IL1R1: variants seen among roughly 807,000 people sequenced by gnomAD.
The protein encoded by IL1R1 is interleukin-1 receptor type 1.
IL1R1 carries 22 observed loss-of-function variants against 50.2 expected under a neutral mutation model. That is an observed-to-expected ratio of 0.44 (90% confidence interval 0.31 to 0.63). The LOEUF is 0.63. Among genes scored for constraint, IL1R1 ranks in the 20% least tolerant of loss-of-function variants. The probability of loss-of-function intolerance (pLI) is 0.07; values close to 1 mark genes in which losing one functional copy is unlikely to be tolerated. For missense variants in IL1R1, 509 were observed against 676.2 expected, an observed-to-expected ratio of 0.75 and a Z score of 2.74; for synonymous variants, 251 against 236.7, an observed-to-expected ratio of 1.06 and a Z score of -0.55.
At chr2:102,121,265 C>T (rs1209854187) in intron 1 of IL1R1, among the ~76,000 whole-genome samples, 1 of 152,206 alleles carries the variant, frequency 6.6e-6, no homozygotes, top group East Asian at 1.9e-4. Context: ...CCCCTGGTTT[C>T]TCTCCAGGCA....
chr2:102,074,399 C>T (rs960944191), intron 1 of IL1R1, among the ~76,000 whole-genome samples: 12 of 152,210 alleles, frequency 7.9e-5, no homozygotes, highest in African/African-American at 2.7e-4. Context: ...ATGACTGGGC[C>T]TATCTGCCCA....
At chr2:102,111,063 A>T (rs112657383) in intron 1 of IL1R1, among the ~76,000 whole-genome samples, 1 of 151,652 alleles carries the variant, frequency 6.6e-6, no homozygotes, top group Admixed American at 6.6e-5. Context: ...TGTATGGCCA[A>T]TGAAGAGAGT....
chr2:102,167,442 G>GTTTTTTTTTTTTTTTTTTTTTTTTT (rs3047461), intron 6 of IL1R1, among the ~76,000 whole-genome samples: 2 of 68,916 alleles, frequency 2.9e-5, no homozygotes, highest in African/African-American at 6.3e-5. Context: ...TAGGTTAAGT[G>GTTTTTTTTTTTTTTTTTTTTTTTTT]TTTTTTTTTT....
chr2:102,124,324 G>T, intron 1 of IL1R1, among the ~76,000 whole-genome samples: 1 of 152,050 alleles, frequency 6.6e-6, no homozygotes, highest in East Asian at 1.9e-4. Flanking sequence ...GGAGGCTGAG[G>T]CAGGAGAATC....
chr2:102,094,205 A>G (rs1334910859), intron 1 of IL1R1, among the ~76,000 whole-genome samples: 1 of 152,256 alleles, frequency 6.6e-6, no homozygotes, highest in East Asian at 1.9e-4. Context: ...TCTTCTAAAG[A>G]AAGAATAAAA....
At chr2:102,106,032 AG>A (rs1302213030) in intron 1 of IL1R1, among the ~76,000 whole-genome samples, 1 of 152,262 alleles carries the variant, frequency 6.6e-6, no homozygotes, top group African/African-American at 2.4e-5. Flanking sequence ...CAAAACAAAA[AG>A]GAAAACCTAA....
In IL1R1 at chr2:102,166,129, T is replaced by G. The variant is rs748184446; in HGVS notation, c.503T>G (p.Leu168Arg). The change falls in exon 6 of 12, where the codon CTT becomes CGT. Residue 168 changes from leucine to arginine, a missense_variant. Coordinates refer to ENST00000410023, the MANE Select transcript of IL1R1 (RefSeq NM_000877.4). The stretch of plus-strand genomic sequence containing the variant: ...TTTATCTAGGATTGCAAACCTCTAC[T>G]TCTTGACAATATACACTTTAGTGGA... ...LQWYKDCKPL[L>R]LDNIHFSGVK... is the part of the protein sequence containing the mutation. 1 of 1,613,454 alleles carries G rather than the reference T, an allele frequency of 6.2e-7. No individual in the cohort carries two copies. Among genetic ancestry groups the G allele is most frequent in the Admixed American group, 1.7e-5 (1 of 60,004 alleles).
chr2:102,121,653 A>T (rs553812560), intron 1 of IL1R1, among the ~76,000 whole-genome samples: 1 of 152,286 alleles, frequency 6.6e-6, no homozygotes, highest in East Asian at 1.9e-4. Flanking sequence ...GACTCTTGAG[A>T]TGTCAAGCCC....
At chr2:102,097,422 T>C (rs566392467) in intron 1 of IL1R1, among the ~76,000 whole-genome samples, 9 of 152,206 alleles carry the variant, frequency 5.9e-5, no homozygotes, top group Non-Finnish European at 1.2e-4. Flanking sequence ...CTGTTCCTGG[T>C]CTATTTGTAT....
chr2:102,083,096 C>T (rs1411197036), intron 1 of IL1R1, among the ~76,000 whole-genome samples: 5 of 152,124 alleles, frequency 3.3e-5, no homozygotes, highest in East Asian at 1.9e-4. Flanking sequence ...CCTGATGCTC[C>T]GCATGAAGGG....
intron 1 of IL1R1, among the ~76,000 whole-genome samples, chr2:102,079,460 A>C (rs1410165072): frequency 6.6e-6 from 1 of 152,150 alleles, no homozygotes; most frequent in Non-Finnish European, 1.5e-5. Flanking sequence ...TAGCAATGAA[A>C]AATTTGAAAA....
chr2:102,083,700 C>T (rs1280174237), intron 1 of IL1R1, among the ~76,000 whole-genome samples: 2 of 152,158 alleles, frequency 1.3e-5, no homozygotes, highest in African/African-American at 2.4e-5. Flanking sequence ...AATCCCAGCA[C>T]TTTGGGACGC....
At chr2:102,085,499 G>A (rs982356784) in intron 1 of IL1R1, among the ~76,000 whole-genome samples, 1 of 152,052 alleles carries the variant, frequency 6.6e-6, no homozygotes, top group African/African-American at 2.4e-5. Context: ...CAGTTCAGTG[G>A]CGTGTTGGGC....
At chr2:102,099,955 A>C (rs1680069141), upstream of IL1R1, among the ~76,000 whole-genome samples, 1 of 152,088 alleles carries the variant, frequency 6.6e-6, no homozygotes, top group South Asian at 2.1e-4. Flanking sequence ...TTCACAGTTC[A>C]TTTTAACTCC....
At chr2:102,071,968 T>C (rs1678739915) in intron 1 of IL1R1, among the ~76,000 whole-genome samples, 1 of 152,124 alleles carries the variant, frequency 6.6e-6, no homozygotes, top group African/African-American at 2.4e-5. Context: ...GTAAAATCAT[T>C]GTACTTGGCC....
intron 1 of IL1R1, among the ~76,000 whole-genome samples, chr2:102,106,208 G>C (rs1192753643): frequency 6.6e-6 from 1 of 152,116 alleles, no homozygotes. Context: ...TCACCCATGA[G>C]ACAGCTGGAG....
intron 1 of IL1R1, among the ~76,000 whole-genome samples, chr2:102,149,733 C>T (rs1335931140): frequency 6.6e-6 from 1 of 152,100 alleles, no homozygotes; most frequent in Non-Finnish European, 1.5e-5. Flanking sequence ...CACAGGTGGA[C>T]TTCGACACCT....
At chr2:102,120,078 C>T (rs1317096516) in intron 1 of IL1R1, among the ~76,000 whole-genome samples, 1 of 152,116 alleles carries the variant, frequency 6.6e-6, no homozygotes, top group Non-Finnish European at 1.5e-5. Context: ...CATTTACTGC[C>T]TCGGTATAAT....
intron 2 of IL1R1, among the ~76,000 whole-genome samples, chr2:102,157,227 A>G (rs947122097): frequency 6.6e-6 from 1 of 152,142 alleles, no homozygotes; most frequent in African/African-American, 2.4e-5. Flanking sequence ...CCTATTGTAC[A>G]AGCAATTTAG....
Sources: gnomAD v4.1 joint callset for allele counts (sites outside exome capture counted in the v4.1 genomes callset) on GRCh38, gnomAD v4.1.1 for gene constraint, MANE v1.5 for transcripts, NCBI Gene and HGNC (gene_info 2026-07-23, HGNC 2026-07-21) for gene names.